The following HCN1 variants were observed in gnomAD, a reference collection of about 807,000 sequenced individuals.
HCN1 encodes hyperpolarization activated cyclic nucleotide gated potassium channel 1.
In HCN1, 13 loss-of-function variants were observed where a neutral mutation model predicts 78.9. That is an observed-to-expected ratio of 0.16 (90% CI 0.11 to 0.26). The LOEUF (loss-of-function observed/expected upper bound fraction) is 0.26. Among genes scored for constraint, HCN1 ranks in the 10% least tolerant of loss-of-function variants. HCN1 has a pLI of 1.00. For missense variants in HCN1, 810 were observed against 1,154.3 expected (o/e 0.70, Z 4.32); for synonymous variants, 552 against 455.5 (o/e 1.21, Z -2.70).
intron 2 of HCN1, among the ~76,000 whole-genome samples, chr5:45,540,079 A>G (rs974272073): frequency 4.0e-5 from 6 of 151,430 alleles, no homozygotes; most frequent in African/African-American, 1.5e-4. Flanking sequence ...ACATCTTTGC[A>G]AATAGTGCTA....
At position 45,504,537 on chromosome 5, in the gene HCN1, G is replaced by T. The variant is rs552136222; in HGVS notation, c.850-42530C>A. Among the ~76,000 whole-genome samples the T allele has an allele frequency of 6.8e-3, 1,029 of 152,246 alleles. 8 individuals are homozygous for T. Among genetic ancestry groups the T allele is most frequent in the African/African-American group, 0.024 (986 of 41,544 alleles). ...GGGTTGGTGCCAAGTCTTTGCTACT[G>T]TGAATAGTGCCGCAATAAACATACG... On this transcript the variant is annotated intron_variant, in intron 2 of 7. Transcript: ENST00000303230.
chr5:45,298,551 A>C (rs1248191199), intron 6 of HCN1, among the ~76,000 whole-genome samples: 1 of 152,050 alleles, frequency 6.6e-6, no homozygotes, highest in Non-Finnish European at 1.5e-5. Context: ...AAGATGAAAC[A>C]ATCTGAGCAA....
intron 1 of HCN1, among the ~76,000 whole-genome samples, chr5:45,655,620 C>A (rs1745749028): frequency 6.6e-6 from 1 of 152,090 alleles, no homozygotes; most frequent in African/African-American, 2.4e-5. Context: ...GGGGCATAGG[C>A]TATGATGCTA....
chr5:45,451,603 GC>G (rs1433398985), intron 3 of HCN1, among the ~76,000 whole-genome samples: 2 of 151,820 alleles, frequency 1.3e-5, no homozygotes, highest in African/African-American at 4.8e-5. Context: ...AGATAATAAT[GC>G]CCACCATGGA....
At chr5:45,280,276 C>G (rs890486635) in intron 6 of HCN1, among the ~76,000 whole-genome samples, 1 of 152,102 alleles carries the variant, frequency 6.6e-6, no homozygotes, top group Non-Finnish European at 1.5e-5. Flanking sequence ...TGAAAGACAA[C>G]TGGAATTTCG....
chr5:45,584,935 C>T (rs543652290), intron 2 of HCN1, among the ~76,000 whole-genome samples: 18 of 152,216 alleles, frequency 1.2e-4, no homozygotes, highest in South Asian at 8.3e-4. Context: ...GTGGGTAACC[C>T]GACATTTCTC....
intron 6 of HCN1, among the ~76,000 whole-genome samples, chr5:45,292,332 C>A (rs920576902): frequency 6.6e-6 from 1 of 151,948 alleles, no homozygotes; most frequent in African/African-American, 2.4e-5. Context: ...ACCAAATACC[C>A]AGTTCCTCAG....
chr5:45,535,327 G>A (rs900878923), intron 2 of HCN1, among the ~76,000 whole-genome samples: 1 of 152,140 alleles, frequency 6.6e-6, no homozygotes, highest in Non-Finnish European at 1.5e-5. Flanking sequence ...GCTGGGCATG[G>A]TGGCTCACAC....
intron 2 of HCN1, among the ~76,000 whole-genome samples, chr5:45,547,894 C>T (rs1743261241): frequency 6.6e-6 from 1 of 151,794 alleles, no homozygotes; most frequent in Admixed American, 6.6e-5. Context: ...TATGTTAATC[C>T]AATATTTACT....
intron 4 of HCN1, among the ~76,000 whole-genome samples, chr5:45,370,033 AC>A (rs1747320929): frequency 6.6e-6 from 1 of 151,774 alleles, no homozygotes; most frequent in Non-Finnish European, 1.5e-5. Flanking sequence ...TAAAAAAAAA[AC>A]CTCTCAGTTA....
chr5:45,417,808 G>A (rs1017021871), intron 3 of HCN1, among the ~76,000 whole-genome samples: 2 of 147,204 alleles, frequency 1.4e-5, no homozygotes, highest in African/African-American at 5.0e-5. Flanking sequence ...ATGACTTCAT[G>A]GTGGAAAATT....
intron 2 of HCN1, among the ~76,000 whole-genome samples, chr5:45,473,395 A>C (rs1006729871): frequency 6.6e-6 from 1 of 151,828 alleles, no homozygotes; most frequent in African/African-American, 2.4e-5. Context: ...AATCTATCAT[A>C]CTAAGCCTGC....
chr5:45,329,811 A>G lies in HCN1; in HGVS notation c.1377+23289T>C, dbSNP rs370270287. Among the ~76,000 whole-genome samples the G allele has an allele frequency of 2.4e-4, 36 of 151,534 alleles. 1 individual carries two copies. The highest frequency in any genetic ancestry group is 8.7e-4 in the African/African-American group (36 of 41,498). On this transcript the variant is annotated intron_variant, in intron 5 of 7. Transcript: ENST00000303230. ...CAGCAAGAATTGGGATTGAAATAATAACAAAGAGGTACTGTGACTTATGGC... is the reference window on the plus strand; with the variant it reads ...CAGCAAGAATTGGGATTGAAATAATGACAAAGAGGTACTGTGACTTATGGC...
rs1454517047 is a variant in HCN1 at position 45,261,614 on chromosome 5, A to G, written c.*307T>C. ...AATAGAGAAATATACATATCAAAGG[A>G]CTTAAGTAAAAGTAGGTTAGAAATA... On this transcript the variant is annotated 3_prime_UTR_variant, in exon 8 of 8. Coordinates refer to ENST00000303230, the MANE Select transcript of HCN1 (RefSeq NM_021072.4). 4.7e-6 allele frequency: 1 copy of G among 212,280 alleles called. No individual in the cohort carries two copies. Among genetic ancestry groups the G allele is most frequent in the African/African-American group, 2.3e-5 (1 of 43,120 alleles). 13.1% of individuals were successfully genotyped at this position (212,280 alleles called of 1,614,324 possible).
chr5:45,322,874 G>A (rs1206755110), intron 5 of HCN1, among the ~76,000 whole-genome samples: 1 of 151,660 alleles, frequency 6.6e-6, no homozygotes, highest in Admixed American at 6.6e-5. Flanking sequence ...CAGCATGTAG[G>A]AAGTGAAACC....
chr5:45,325,636 G>A (rs1444271695), intron 5 of HCN1, among the ~76,000 whole-genome samples: 1 of 151,574 alleles, frequency 6.6e-6, no homozygotes, highest in Non-Finnish European at 1.5e-5. Flanking sequence ...TTAATCTGGT[G>A]GTTTGTCTTC....
intron 2 of HCN1, among the ~76,000 whole-genome samples, chr5:45,473,660 T>C (rs1741454179): frequency 6.6e-6 from 1 of 151,704 alleles, no homozygotes; most frequent in South Asian, 2.1e-4. Context: ...TGTCTGTTTT[T>C]CCTCACCATC....
chr5:45,369,373 CCCA>C (rs1420295440), intron 4 of HCN1, among the ~76,000 whole-genome samples: 3,830 of 152,020 alleles, frequency 0.025, 191 homozygotes, highest in African/African-American at 0.089. Context: ...TGTAAATCTG[CCCA>C]TGGCATAACT....
chr5:45,284,601 C>A (rs1745231464), intron 6 of HCN1, among the ~76,000 whole-genome samples: 1 of 152,124 alleles, frequency 6.6e-6, no homozygotes, highest in Non-Finnish European at 1.5e-5. Context: ...AGTGCAGAAT[C>A]CAGTTTATAG....
Sources: allele counts gnomAD v4.1 joint callset (sites outside exome capture counted in the v4.1 genomes callset), GRCh38; gene constraint gnomAD v4.1.1; transcripts MANE v1.5; gene names NCBI Gene and HGNC (gene_info 2026-07-23, HGNC 2026-07-21).